PDSS1: variants seen among roughly 807,000 people sequenced by gnomAD.
PDSS1 encodes all trans-polyprenyl-diphosphate synthase PDSS1.
Under a neutral mutation model 57.5 loss-of-function variants are expected in PDSS1, and 43 were observed. The observed-to-expected ratio is 0.75, with a 90% CI of 0.59 to 0.96. The LOEUF is 0.96. Ranked by LOEUF, PDSS1 falls within the 50% of genes least tolerant of loss-of-function variation. The pLI, the probability that PDSS1 is intolerant of heterozygous loss-of-function variation, is 0.00. For synonymous variants in PDSS1, 175 were observed against 191.3 expected (o/e 0.91, Z 0.70); for missense variants, 438 against 527.8 (o/e 0.83, Z 1.67).
chr10:26,721,750 A>G (rs1250446298), intron 6 of PDSS1, among the ~76,000 whole-genome samples: 2 of 152,164 alleles, frequency 1.3e-5, no homozygotes, highest in African/African-American at 4.8e-5. Context: ...GGGGAAGAGG[A>G]TCAAGAGAAC....
intron 10 of PDSS1, among the ~76,000 whole-genome samples, chr10:26,736,193 A>G (rs1836392800): frequency 6.6e-6 from 1 of 152,224 alleles, no homozygotes. Context: ...AAGGCTTAGG[A>G]AGCTTCAAAG....
chr10:26,697,724 T>TGGTGGC lies in PDSS1; in HGVS notation c.22_27dup (p.Trp8_Arg9dup). On this transcript the variant is annotated inframe_insertion, in exon 1 of 12. Coordinates refer to ENST00000376215, the MANE Select transcript of PDSS1 (RefSeq NM_014317.5). ...TCAGACTCCGACCATGGCCTCGCGC[T>TGGTGGC]GGTGGCGGTGGCGGCGCGGCTGCTC... 4 of 1,295,906 alleles carry TGGTGGC rather than the reference T, an allele frequency of 3.1e-6. No homozygotes were observed. Among genetic ancestry groups the TGGTGGC allele is most frequent in the Middle Eastern group, 3.0e-4 (1 of 3,372 alleles). The allele number at this position is 1,295,906 out of a possible 1,614,324, so 80.3% of individuals were successfully genotyped here.
At chr10:26,737,460 C>T (rs1458075278) in intron 10 of PDSS1, among the ~76,000 whole-genome samples, 7 of 152,084 alleles carry the variant, frequency 4.6e-5, no homozygotes, top group East Asian at 1.9e-4. Flanking sequence ...GCTGGTTAGG[C>T]GGTGGCTCAT....
At chr10:26,709,597 G>T (rs779109883) in intron 4 of PDSS1, 41 bp from the exon 5 acceptor site, 11 of 1,606,378 alleles carry the variant, frequency 6.8e-6, no homozygotes, top group Middle Eastern at 3.3e-4. Flanking sequence ...TTTCTGTGCA[G>T]TTTTTTGATG....
In PDSS1 at chr10:26,736,028, G is replaced by A. The variant is rs1469578429; in HGVS notation, c.1026+449G>A. Reference sequence around the variant, plus strand: ...GGCCTCCAAGCATAAGAAATTCTCCGGTTCTAGAAGTTTAATGAGACTCTG... The same window carrying A: ...GGCCTCCAAGCATAAGAAATTCTCCAGTTCTAGAAGTTTAATGAGACTCTG... On this transcript the variant is annotated intron_variant, in intron 10 of 11. Coordinates refer to ENST00000376215, the MANE Select transcript of PDSS1 (RefSeq NM_014317.5). 4.6e-5 allele frequency among the ~76,000 whole-genome samples: 7 copies of A among 152,242 alleles called. 1 individual carries two copies. The highest frequency in any genetic ancestry group is 2.1e-4 in the South Asian group (1 of 4,820).
In PDSS1 at chr10:26,723,808, T is replaced by G. The variant is rs764975854; in HGVS notation, c.612T>G (p.Ala204=). 6.2e-7 allele frequency: 1 copy of G among 1,604,728 alleles called. No homozygotes were observed. Among genetic ancestry groups the G allele is most frequent in the South Asian group, 1.1e-5 (1 of 90,906 alleles). Residue 204 remains alanine, a splice_region_variant and synonymous_variant, in exon 7 of 12, where the codon GCT becomes GCG. Transcript: ENST00000376215. ...TVNKIWGEKK[A]VLAGDLILSA... is the part of the protein sequence containing the mutation. ...GTTTTCCCCCTGTCTTTTTCTAGGC[T>G]GTTCTTGCTGGAGATTTAATTCTTT...
chr10:26,725,179 C>G (rs1346356669), intron 8 of PDSS1, among the ~76,000 whole-genome samples: 1 of 152,142 alleles, frequency 6.6e-6, no homozygotes, highest in Non-Finnish European at 1.5e-5. Context: ...AAATGACATT[C>G]CCATGTAATT....
At position 26,697,971 on chromosome 10, in the gene PDSS1, C is replaced by T. The variant is rs540230923; in HGVS notation, c.129+131C>T. Reference sequence around the variant, plus strand: ...GGCGCGCGGGGTAGCTCCGGGGTAGCTCCGGGGTGGGACTCCGGAGCTGAG... The same window carrying T: ...GGCGCGCGGGGTAGCTCCGGGGTAGTTCCGGGGTGGGACTCCGGAGCTGAG... On this transcript the variant is annotated intron_variant, in intron 1 of 11. Transcript: ENST00000376215. The T allele has an allele frequency of 2.1e-3, 1,795 of 867,654 alleles. 2 individuals are homozygous for T. The highest frequency in any genetic ancestry group is 2.3e-3 in the Non-Finnish European group (1,546 of 669,732). The allele number at this position is 867,654 out of a possible 1,614,324, so 53.7% of individuals were successfully genotyped here. A position where few individuals can be genotyped will look rare whatever the true frequency, so the allele number is the denominator to read the frequency against.
chr10:26,732,163 C>T (rs930557389), intron 8 of PDSS1, among the ~76,000 whole-genome samples: 12 of 152,240 alleles, frequency 7.9e-5, no homozygotes, highest in Non-Finnish European at 1.3e-4. Context: ...TGATGCTGAG[C>T]GCAAGTCTGT....
intron 11 of PDSS1, among the ~76,000 whole-genome samples, chr10:26,742,900 C>T (rs758671907): frequency 1.3e-5 from 2 of 152,138 alleles, no homozygotes; most frequent in Non-Finnish European, 2.9e-5. Context: ...TCCCTGTGTC[C>T]ATCAACAGAA....
At chr10:26,738,856 G>A (rs1019187349) in intron 10 of PDSS1, among the ~76,000 whole-genome samples, 24 of 152,090 alleles carry the variant, frequency 1.6e-4, no homozygotes, top group African/African-American at 5.8e-4. Flanking sequence ...AAAGAGTTTT[G>A]GGGATTTCTG....
intron 5 of PDSS1, among the ~76,000 whole-genome samples, chr10:26,716,585 G>A (rs1197248811): frequency 6.6e-6 from 1 of 152,076 alleles, no homozygotes; most frequent in Non-Finnish European, 1.5e-5. Flanking sequence ...TCAGCTACCT[G>A]GGAGGCTCAG....
At chr10:26,723,091 C>T (rs547684369) in intron 6 of PDSS1, among the ~76,000 whole-genome samples, 46 of 152,228 alleles carry the variant, frequency 3.0e-4, no homozygotes, top group African/African-American at 1.1e-3. Context: ...CCCCACTGCC[C>T]TGGGAGCATA....
chr10:26,722,597 A>G (rs998887100), intron 6 of PDSS1, among the ~76,000 whole-genome samples: 2 of 151,860 alleles, frequency 1.3e-5, no homozygotes, highest in Admixed American at 6.6e-5. Flanking sequence ...CCAGCTACTC[A>G]TGAGGCTGAG....
At chr10:26,699,797 A>G (rs1412011319) in intron 1 of PDSS1, among the ~76,000 whole-genome samples, 1 of 152,200 alleles carries the variant, frequency 6.6e-6, no homozygotes, top group Non-Finnish European at 1.5e-5. Context: ...CCCCGTCTGC[A>G]TGACGACAAG....
At chr10:26,742,711 A>T (rs1009117325) in intron 11 of PDSS1, 134 bp downstream of exon 11, 11 of 678,726 alleles carry the variant, frequency 1.6e-5, no homozygotes, top group Non-Finnish European at 2.6e-5. Context: ...TGTGACAAAA[A>T]CTGAGAAGGG....
At chr10:26,709,585 G>T in intron 4 of PDSS1, 53 bp from the exon 5 acceptor site, 1 of 1,589,974 alleles carries the variant, frequency 6.3e-7, no homozygotes, top group Non-Finnish European at 8.6e-7. Flanking sequence ...AATCCTGTTG[G>T]CTTTCTGTGC....
At chr10:26,717,173 G>A (rs529107244) in intron 5 of PDSS1, among the ~76,000 whole-genome samples, 20 of 152,270 alleles carry the variant, frequency 1.3e-4, no homozygotes, top group African/African-American at 4.3e-4. Flanking sequence ...TAACATTTCA[G>A]TTTCATCCTG....
At chr10:26,717,614 A>G (rs1835634829) in intron 5 of PDSS1, 1 of 152,192 alleles carries the variant, frequency 6.6e-6, no homozygotes, top group African/African-American at 2.4e-5. Flanking sequence ...ATAGCTTCAG[A>G]TTACCAAAAC....
Sources: gnomAD v4.1 joint callset for allele counts (sites outside exome capture counted in the v4.1 genomes callset) on GRCh38, gnomAD v4.1.1 for gene constraint, MANE v1.5 for transcripts, NCBI Gene and HGNC (gene_info 2026-07-23, HGNC 2026-07-21) for gene names.